Variants in HS3ST5 observed in about 807,000 individuals in gnomAD.
The protein encoded by HS3ST5 is heparan sulfate-glucosamine 3-sulfotransferase 5.
A neutral mutation model predicts 25.4 loss-of-function variants in HS3ST5; 10 were observed. The observed-to-expected ratio is 0.39, with a 90% CI of 0.24 to 0.67. HS3ST5 has a LOEUF of 0.67. HS3ST5 is among the 30% of genes least tolerant of loss of function. The pLI is 0.44. For missense variants in HS3ST5, 324 were observed against 420.7 expected (o/e 0.77, Z 2.01); for synonymous variants, 170 against 162.4 (o/e 1.05, Z -0.36).
chr6:114,307,528 A>G (rs2114831419), intron 1 of HS3ST5, among the ~76,000 whole-genome samples: 1 of 152,184 alleles, frequency 6.6e-6, no homozygotes, highest in South Asian at 2.1e-4. Flanking sequence ...ATGTCGGTCT[A>G]AAATAAGTTT....
intron 1 of HS3ST5, among the ~76,000 whole-genome samples, chr6:114,305,693 C>T (rs965806610): frequency 2.6e-5 from 4 of 152,180 alleles, no homozygotes; most frequent in African/African-American, 9.6e-5. Context: ...CCTGTCTCTT[C>T]TCCTTCTCTT....
chr6:114,136,423 C>T (rs1163371272), intron 3 of HS3ST5, among the ~76,000 whole-genome samples: 1 of 152,196 alleles, frequency 6.6e-6, no homozygotes, highest in African/African-American at 2.4e-5. Flanking sequence ...GATTGTGAGG[C>T]CTCCCCAGCC....
chr6:114,092,271 G>A (rs933438234), intron 3 of HS3ST5, among the ~76,000 whole-genome samples: 2 of 152,204 alleles, frequency 1.3e-5, no homozygotes, highest in Admixed American at 1.3e-4. Flanking sequence ...CTCATCCCCA[G>A]TACATCACAC....
At chr6:114,091,089 T>A (rs1406425133) in intron 3 of HS3ST5, among the ~76,000 whole-genome samples, 1 of 152,210 alleles carries the variant, frequency 6.6e-6, no homozygotes, top group Non-Finnish European at 1.5e-5. Context: ...TTAGTCCCTA[T>A]TTATTTTCCA....
intron 1 of HS3ST5, among the ~76,000 whole-genome samples, chr6:114,259,639 C>T (rs917989444): frequency 2.0e-5 from 3 of 152,194 alleles, no homozygotes; most frequent in African/African-American, 7.2e-5. Context: ...CTGTTAAACA[C>T]TCAAGTTAAA....
intron 1 of HS3ST5, among the ~76,000 whole-genome samples, chr6:114,249,878 A>G (rs1772568611): frequency 6.6e-6 from 1 of 152,234 alleles, no homozygotes; most frequent in Admixed American, 6.5e-5. Flanking sequence ...TCTATTTCCA[A>G]GGAACTTAAA....
chr6:114,113,224 A>G (rs573689877), intron 3 of HS3ST5, among the ~76,000 whole-genome samples: 1 of 151,650 alleles, frequency 6.6e-6, no homozygotes, highest in South Asian at 2.1e-4. Context: ...TTCTATCTTC[A>G]CTCTCCACTG....
chr6:114,274,262 A>C (rs905369307), intron 1 of HS3ST5, among the ~76,000 whole-genome samples: 1 of 152,032 alleles, frequency 6.6e-6, no homozygotes, highest in Non-Finnish European at 1.5e-5. Context: ...AGATCAGCGG[A>C]GAGAGACAAT....
chr6:114,203,226 T>A (rs1781111485), intron 2 of HS3ST5, among the ~76,000 whole-genome samples: 1 of 152,220 alleles, frequency 6.6e-6, no homozygotes, highest in South Asian at 2.1e-4. Flanking sequence ...TTTGTAGTTT[T>A]AAAAATTATA....
rs371595870 is a variant in HS3ST5, at chr6:114,244,165, C to T, written c.-338-15387G>A. 3.3e-5 allele frequency among the ~76,000 whole-genome samples: 5 copies of T among 152,156 alleles called. No individual in the cohort carries two copies. In the East Asian group the frequency reaches 5.8e-4, roughly 18 times the overall value. On this transcript the variant is annotated intron_variant, in intron 1 of 4. Transcript: ENST00000312719. ...CTGCAGGTTTTGCTATCTGAATTCCCTTTACAAGACTGGAAACTGTAGGTA... is the reference window on the plus strand; with the variant it reads ...CTGCAGGTTTTGCTATCTGAATTCCTTTTACAAGACTGGAAACTGTAGGTA...
At chr6:114,079,934 C>A (rs1774355031) in intron 3 of HS3ST5, among the ~76,000 whole-genome samples, 1 of 152,050 alleles carries the variant, frequency 6.6e-6, no homozygotes, top group Non-Finnish European at 1.5e-5. Flanking sequence ...TGCCACCATG[C>A]CTGGCTAATT....
chr6:114,121,558 T>C (rs908583829), intron 3 of HS3ST5, among the ~76,000 whole-genome samples: 9 of 152,180 alleles, frequency 5.9e-5, no homozygotes, highest in Non-Finnish European at 1.2e-4. Flanking sequence ...ACCCTTTTCT[T>C]TGTAGATAAA....
intron 1 of HS3ST5, among the ~76,000 whole-genome samples, chr6:114,289,326 C>A (rs2114768278): frequency 6.6e-6 from 1 of 152,010 alleles, no homozygotes; most frequent in East Asian, 1.9e-4. Context: ...CAACTGCTTC[C>A]AAATCAGCAA....
At chr6:114,194,714 G>A (rs1047288824) in intron 2 of HS3ST5, among the ~76,000 whole-genome samples, 8 of 152,140 alleles carry the variant, frequency 5.3e-5, no homozygotes, top group African/African-American at 1.9e-4. Flanking sequence ...TGCTAATGCT[G>A]CCAATTTTAG....
At chr6:114,335,909 C>A (rs1190669653) in intron 1 of HS3ST5, among the ~76,000 whole-genome samples, 5 of 152,088 alleles carry the variant, frequency 3.3e-5, no homozygotes, top group Non-Finnish European at 7.4e-5. Context: ...GCTTCGGCCT[C>A]CCAAAGTGCT....
chr6:114,176,914 T>C (rs763633709), intron 2 of HS3ST5, among the ~76,000 whole-genome samples: 2 of 152,202 alleles, frequency 1.3e-5, no homozygotes, highest in African/African-American at 4.8e-5. Flanking sequence ...GGAATCCTGC[T>C]CTTAAGCCCT....
chr6:114,116,852 G>A (rs1776555202), intron 3 of HS3ST5, among the ~76,000 whole-genome samples: 1 of 151,940 alleles, frequency 6.6e-6, no homozygotes, highest in African/African-American at 2.4e-5. Context: ...TTACATTTTA[G>A]CACTTACTGT....
chr6:114,237,776 A>G (rs1454785315), intron 1 of HS3ST5, among the ~76,000 whole-genome samples: 1 of 152,264 alleles, frequency 6.6e-6, no homozygotes, highest in Admixed American at 6.5e-5. Context: ...TTTAGAATCT[A>G]ATAGTAGTTT....
chr6:114,095,862 CCTGTTACAT>C (rs1775396943), intron 3 of HS3ST5, among the ~76,000 whole-genome samples: 1 of 151,990 alleles, frequency 6.6e-6, no homozygotes, highest in Non-Finnish European at 1.5e-5. Flanking sequence ...GTAGTTGGTC[CCTGTTACAT>C]CTCTGGATAC....
Sources: allele counts gnomAD v4.1 joint callset (sites outside exome capture counted in the v4.1 genomes callset), GRCh38; gene constraint gnomAD v4.1.1; transcripts MANE v1.5; gene names NCBI Gene and HGNC (gene_info 2026-07-23, HGNC 2026-07-21).